Variants in APC2 observed in about 807,000 individuals in gnomAD.
The protein encoded by APC2 is adenomatous polyposis coli protein 2.
In APC2, 41 loss-of-function variants were observed where a neutral mutation model predicts 72.5. The observed-to-expected ratio is 0.57, with a 90% CI of 0.44 to 0.73. The LOEUF (loss-of-function observed/expected upper bound fraction) is 0.73. APC2 is among the 30% of genes least tolerant of loss of function. The pLI, the probability that APC2 is intolerant of heterozygous loss-of-function variation, is 0.00. For missense variants in APC2, 3,729 were observed against 3,403.4 expected, an observed-to-expected ratio of 1.10 and a Z score of -2.38; for synonymous variants, 1,898 against 1,612.0, an observed-to-expected ratio of 1.18 and a Z score of -4.25.
intron 14 of APC2, 69 bp from the exon 15 acceptor site, chr19:1,465,086 G>C (rs988203136): frequency 2.0e-6 from 3 of 1,517,062 alleles, no homozygotes; most frequent in Non-Finnish European, 2.7e-6. Flanking sequence ...GCCACATCTG[G>C]CCCCCCCATC....
At chr19:1,447,333 T>C (rs2083696759), upstream of APC2, among the ~76,000 whole-genome samples, 1 of 152,182 alleles carries the variant, frequency 6.6e-6, no homozygotes, top group Non-Finnish European at 1.5e-5. Flanking sequence ...GAGGTCAGAC[T>C]CAGAAGGCTC....
In APC2 at chr19:1,466,697, C is replaced by T. The variant is rs1273828200; in HGVS notation, c.3396C>T (p.Asn1132=). 5 of 1,520,678 alleles carry T rather than the reference C, an allele frequency of 3.3e-6. No individual in the cohort carries two copies. Among genetic ancestry groups the T allele is most frequent in the African/African-American group, 1.4e-5 (1 of 72,850 alleles). The allele number at this position is 1,520,678 out of a possible 1,614,324, so 94.2% of individuals were successfully genotyped here. A position where few individuals can be genotyped will look rare whatever the true frequency, so the allele number is the denominator to read the frequency against. ...LPVAIPAPRR[N]RGRGLGVEDA... ...TAGCCATTCCGGCTCCCCGGCGTAA[C>T]CGAGGCCGGGGCCTGGGGGTGGAAG... Residue 1132 remains asparagine (N), a synonymous_variant, in exon 15 of 15, where the codon AAC becomes AAT. Transcript: ENST00000590469.
rs2084078220 is a variant in APC2 at position 1,468,900 on chromosome 19, C to T, written c.5599C>T (p.Arg1867Cys). The T allele has an allele frequency of 1.3e-6, 2 of 1,523,256 alleles. No homozygotes were observed. Among genetic ancestry groups the T allele is most frequent in the Admixed American group, 2.0e-5 (1 of 51,072 alleles). 94.4% of individuals were successfully genotyped at this position (1,523,256 alleles called of 1,614,324 possible). The change falls in exon 15 of 15, where the codon CGC becomes TGC. Residue 1867 changes from arginine to cysteine, a missense_variant. Coordinates refer to ENST00000590469, the MANE Select transcript of APC2 (RefSeq NM_005883.3). ...QPPRSATPPA[R>C]LAKTPSSSSS... ...CCCCAGAAGCGCCACACCGCCCGCC[C>T]GCCTCGCCAAGACCCCCTCCTCCAG...
Position 1,466,464 on chromosome 19 carries a change from C to T in APC2, c.3163C>T (p.Leu1055=), listed in dbSNP as rs1403155828. 1 of 1,598,276 alleles carries T rather than the reference C, an allele frequency of 6.3e-7. No homozygotes were observed. Among genetic ancestry groups the T allele is most frequent in the Non-Finnish European group, 8.5e-7 (1 of 1,179,560 alleles). Residue 1055 remains leucine (L), a synonymous_variant, in exon 15 of 15, where the codon CTG becomes TTG. Coordinates refer to ENST00000590469, the MANE Select transcript of APC2 (RefSeq NM_005883.3). ...CCCGCTGTCTGTGGCCAGCAAGGCACTGCAGAAACTGGCGGCGCAAGAGGG... is the reference window on the plus strand; with the variant it reads ...CCCGCTGTCTGTGGCCAGCAAGGCATTGCAGAAACTGGCGGCGCAAGAGGG... ...AAPLSVASKA[L]QKLAAQEGPL...
Position 1,468,996 on chromosome 19 carries a change from G to A in APC2, c.5695G>A (p.Ala1899Thr). Reference sequence around the variant, plus strand: ...CCCCCCGGTCACCCAGGCTGCTGGGGCCCTGCCCGGCCCCGGAGCCTCCCC... The same window carrying A: ...CCCCCCGGTCACCCAGGCTGCTGGGACCCTGCCCGGCCCCGGAGCCTCCCC... ...KRPPVTQAAGALPGPGASPVP... is the reference protein window; with the variant it reads ...KRPPVTQAAGTLPGPGASPVP... The change falls in exon 15 of 15, where the codon GCC (alanine) becomes ACC (threonine). Residue 1899 changes from alanine (A) to threonine (T), a missense_variant. Coordinates refer to ENST00000590469, the MANE Select transcript of APC2 (RefSeq NM_005883.3). 1 of 1,555,800 alleles carries A rather than the reference G, an allele frequency of 6.4e-7. No homozygotes were observed. The highest frequency in any genetic ancestry group is 8.7e-7 in the Non-Finnish European group (1 of 1,155,420).
In APC2 at chr19:1,466,246, A is replaced by G; in HGVS notation, c.2945A>G (p.Glu982Gly). 1 of 1,536,132 alleles carries G rather than the reference A, an allele frequency of 6.5e-7. No individual in the cohort carries two copies. Among genetic ancestry groups the G allele is most frequent in the Non-Finnish European group, 8.7e-7 (1 of 1,148,278 alleles). Residue 982 changes from glutamate to glycine, a missense_variant, in exon 15 of 15, where the codon GAG (glutamate) becomes GGG (glycine). By Grantham distance (98) the Glu-to-Gly change is moderately conservative. Transcript: ENST00000590469. ...TGCCAGGCCGAGCCCCCGGCCCGCG[A>G]GGCCACCTCCGCCGACGCCCGCGTG... ...PGCQAEPPAR[E>G]ATSADARVRT...
chr19:1,449,082 G>C (rs989884753), upstream of APC2, among the ~76,000 whole-genome samples: 15 of 152,140 alleles, frequency 9.9e-5, no homozygotes, highest in South Asian at 4.1e-4. Flanking sequence ...CTTTGTCTAC[G>C]GGGCCTTGAA....
chr19:1,470,105 C>A lies in APC2; in HGVS notation c.6804C>A (p.Ala2268=). 1 of 1,605,986 alleles carries A rather than the reference C, an allele frequency of 6.2e-7. No homozygotes were observed. Among genetic ancestry groups the A allele is most frequent in the Non-Finnish European group, 8.5e-7 (1 of 1,177,810 alleles). The change falls in exon 15 of 15, where the codon GCC becomes GCA. Residue 2268 remains alanine, a synonymous_variant. Transcript: ENST00000590469. ...ASRHGSPSRS[A]RVPPFNYVPS... ...GGCACGGCTCCCCCAGCCGCTCGGC[C>A]CGAGTACCCCCCTTCAACTATGTGC... is the stretch of plus-strand genomic sequence containing the variant.
At position 1,453,094 on chromosome 19, in the gene APC2, C is replaced by A. The variant is rs776679183; in HGVS notation, c.93C>A (p.Asp31Glu). The change falls in exon 2 of 15, where the codon GAC becomes GAA. Residue 31 changes from aspartate to glutamate, a missense_variant. Asp to Glu is a conservative substitution (Grantham distance 45). Transcript: ENST00000590469. ...GCCACCTGAGGCAGGAGCTAAGGGA[C>A]AACTCCAGCCACCTGTCCAAGCTGG... ...ENSHLRQELR[D>E]NSSHLSKLET... The A allele has an allele frequency of 1.9e-6, 3 of 1,608,270 alleles. No individual in the cohort carries two copies. Among genetic ancestry groups the A allele is most frequent in the African/African-American group, 2.7e-5 (2 of 74,818 alleles).
rs1019108407 is a variant in APC2, at chr19:1,453,476, C to A, written c.278C>A (p.Pro93Gln). 1 of 1,603,206 alleles carries A rather than the reference C, an allele frequency of 6.2e-7. No individual in the cohort carries two copies. The highest frequency in any genetic ancestry group is 2.2e-5 in the East Asian group (1 of 44,580). ...AGCCTGTACAACCTCAAGTTCCAGC[C>A]GCCCACCCTGGGCCCGGAGCCTGCC... ...ITSLYNLKFQ[P>Q]PTLGPEPAAR... Residue 93 changes from proline to glutamine, a missense_variant, in exon 4 of 15, where the codon CCG becomes CAG. Physicochemically the swap from Pro to Gln is moderately conservative, Grantham distance 76. Transcript: ENST00000590469.
chr19:1,461,508 G>A (rs1354531275), intron 13 of APC2: 11 of 377,004 alleles, frequency 2.9e-5, no homozygotes, highest in Admixed American at 8.4e-5. Flanking sequence ...GGCGGAGGTT[G>A]CGCCACTGCA....
chr19:1,469,383 C>A lies in APC2; in HGVS notation c.6082C>A (p.Arg2028Ser). ...TGCCCCCCAGGGCGCCTCGCCCCGC[C>A]GCGGCCGGCCCGCGCTGCCCGCCGT... is the stretch of plus-strand genomic sequence containing the variant. The part of the protein sequence containing the change: ...ASAPQGASPR[R>S]GRPALPAVFL... The change falls in exon 15 of 15, where the codon CGC becomes AGC. Residue 2028 changes from arginine to serine, a missense_variant. Transcript: ENST00000590469. 1 of 1,225,934 alleles carries A rather than the reference C, an allele frequency of 8.2e-7. No homozygotes were observed. Among genetic ancestry groups the A allele is most frequent in the Middle Eastern group, 3.3e-4 (1 of 3,010 alleles). 75.9% of individuals were successfully genotyped at this position (1,225,934 alleles called of 1,614,324 possible).
Position 1,468,913 on chromosome 19 carries a change from C to G in APC2, c.5612C>G (p.Thr1871Ser). The G allele has an allele frequency of 6.5e-7, 1 of 1,527,336 alleles. No homozygotes were observed. The highest frequency in any genetic ancestry group is 8.7e-7 in the Non-Finnish European group (1 of 1,144,414). The allele number at this position is 1,527,336 out of a possible 1,614,324, so 94.6% of individuals were successfully genotyped here. ...ACACCGCCCGCCCGCCTCGCCAAGACCCCCTCCTCCAGCTCCTCCCAGACC... is the reference window on the plus strand; with the variant it reads ...ACACCGCCCGCCCGCCTCGCCAAGAGCCCCTCCTCCAGCTCCTCCCAGACC... ...SATPPARLAK[T>S]PSSSSSQTSP... The change falls in exon 15 of 15, where the codon ACC becomes AGC. Residue 1871 changes from threonine to serine, a missense_variant. Coordinates refer to ENST00000590469, the MANE Select transcript of APC2 (RefSeq NM_005883.3).
At position 1,470,317 on chromosome 19, in the gene APC2, C is replaced by T; in HGVS notation, c.*104C>T. The T allele has an allele frequency of 7.3e-7, 1 of 1,373,356 alleles. No individual in the cohort carries two copies. The highest frequency in any genetic ancestry group is 9.5e-7 in the Non-Finnish European group (1 of 1,055,514). 85.1% of individuals were successfully genotyped at this position (1,373,356 alleles called of 1,614,324 possible). ...ACGTCCCCCATAGGTCGCCCCAGGGCCTCTGCCCACCCGAGCCCCACCACT... is the reference window on the plus strand; with the variant it reads ...ACGTCCCCCATAGGTCGCCCCAGGGTCTCTGCCCACCCGAGCCCCACCACT... On this transcript the variant is annotated 3_prime_UTR_variant, in exon 15 of 15. Coordinates refer to ENST00000590469, the MANE Select transcript of APC2 (RefSeq NM_005883.3).
chr19:1,468,980 C>T lies in APC2; in HGVS notation c.5679C>T (p.Val1893=). Residue 1893 remains valine (V), a synonymous_variant, in exon 15 of 15, where the codon GTC becomes GTT. Transcript: ENST00000590469. ...SQPLPRKRPP[V]TQAAGALPGP... The stretch of plus-strand genomic sequence containing the variant: ...CCCTGCCCAGAAAGCGCCCCCCGGT[C>T]ACCCAGGCTGCTGGGGCCCTGCCCG... 6.4e-7 allele frequency: 1 copy of T among 1,561,212 alleles called. No homozygotes were observed. The highest frequency in any genetic ancestry group is 1.2e-5 in the South Asian group (1 of 84,698).
Position 1,468,792 on chromosome 19 carries a change from A to G in APC2, c.5491A>G (p.Lys1831Glu), listed in dbSNP as rs2084075481. The G allele has an allele frequency of 8.5e-6, 13 of 1,524,704 alleles. No homozygotes were observed. The highest frequency in any genetic ancestry group is 1.1e-5 in the Non-Finnish European group (13 of 1,138,854). The allele number at this position is 1,524,704 out of a possible 1,614,324, so 94.4% of individuals were successfully genotyped here. Reference sequence around the variant, plus strand: ...CCTGGCACAGCCCGCGGCTCCAGCCAAAGTCCCGAGCCCCGGGCAGCAGCG... The same window carrying G: ...CCTGGCACAGCCCGCGGCTCCAGCCGAAGTCCCGAGCCCCGGGCAGCAGCG... ...PCLAQPAAPA[K>E]VPSPGQQRSR... is the part of the protein sequence containing the mutation. The change falls in exon 15 of 15, where the codon AAA becomes GAA. Residue 1831 changes from lysine (K) to glutamate (E), a missense_variant. By Grantham distance (56) the Lys-to-Glu change is moderately conservative. Coordinates refer to ENST00000590469, the MANE Select transcript of APC2 (RefSeq NM_005883.3).
chr19:1,456,202 A>T, intron 7 of APC2, 49 bp downstream of exon 7: 1 of 1,553,582 alleles, frequency 6.4e-7, no homozygotes, highest in Non-Finnish European at 8.7e-7. Flanking sequence ...CGGCCCAGGC[A>T]GAACGGGGCT....
chr19:1,469,811 G>A lies in APC2; in HGVS notation c.6510G>A (p.Arg2170=). Residue 2170 remains arginine, a synonymous_variant, in exon 15 of 15, where the codon CGG becomes CGA. Transcript: ENST00000590469. ...STLPATALPL[R]GSTPEDAPAG... is the part of the protein sequence containing the mutation. ...TTCCCGCCACGGCCCTGCCACTGCG[G>A]GGCTCCACGCCCGAGGACGCCCCGG... The A allele has an allele frequency of 6.6e-7, 1 of 1,520,952 alleles. No individual in the cohort carries two copies. The highest frequency in any genetic ancestry group is 2.1e-4 in the Middle Eastern group (1 of 4,856). The allele number at this position is 1,520,952 out of a possible 1,614,324, so 94.2% of individuals were successfully genotyped here.
At chr19:1,457,898 G>GGGGGGGGGGGGGGGGGGGGGGGGGGGGC in intron 9 of APC2, 67 bp from the exon 10 acceptor site, 1 of 1,432,310 alleles carries the variant, frequency 7.0e-7, no homozygotes, top group East Asian at 2.6e-5. Context: ...CGGGTTGCGG[G>GGGGGGGGGGGGGGGGGGGGGGGGGGGGC]ACCTTCGGGA....
Sources: gnomAD v4.1 joint callset for allele counts (sites outside exome capture counted in the v4.1 genomes callset) on GRCh38, gnomAD v4.1.1 for gene constraint, MANE v1.5 for transcripts, NCBI Gene and HGNC (gene_info 2026-07-23, HGNC 2026-07-21) for gene names.